AHDC1: variants seen among roughly 807,000 people sequenced by gnomAD.
The protein encoded by AHDC1 is AT-hook DNA binding motif containing 1, also known as transcription factor Gibbin.
Under a neutral mutation model 87.9 loss-of-function variants are expected in AHDC1, and 7 were observed. The observed-to-expected ratio is 0.08, with a 90% CI of 0.05 to 0.15. The LOEUF (loss-of-function observed/expected upper bound fraction) is 0.15, where lower values mean the gene tolerates loss of function less well. Among genes scored for constraint, AHDC1 ranks in the 10% least tolerant of loss-of-function variants. The pLI, the probability that AHDC1 is intolerant of heterozygous loss-of-function variation, is 1.00. For synonymous variants in AHDC1, 1,051 were observed against 1,006.8 expected (o/e 1.04, Z -0.83); for missense variants, 1,841 against 2,253.2 (o/e 0.82, Z 3.70).
intron 8 of AHDC1, among the ~76,000 whole-genome samples, chr1:27,540,103 G>A (rs1404872809): frequency 6.6e-6 from 1 of 152,180 alleles, no homozygotes; most frequent in African/African-American, 2.4e-5. Context: ...ATGGAACCAG[G>A]CAATCCCCAG....
intron 3 of AHDC1, among the ~76,000 whole-genome samples, chr1:27,577,497 G>A (rs925250341): frequency 6.6e-6 from 1 of 152,118 alleles, no homozygotes; most frequent in Non-Finnish European, 1.5e-5. Flanking sequence ...CCTAGCCTCA[G>A]AGCCATGGGG....
rs753415143 is a variant in AHDC1, at chr1:27,551,649, G to T, written c.467C>A (p.Pro156His). The stretch of plus-strand genomic sequence containing the variant: ...CTGTAGGTCGCCGGGTGGCGGTGCA[G>T]GCGGGCGGCTCAGTCGGAGCCCACC... ...DCGGLRLSRP[P>H]APPPGDLQYS... is the part of the protein sequence containing the mutation. The change falls in exon 8 of 9, where the codon CCT (proline) becomes CAT (histidine). Residue 156 changes from proline to histidine, a missense_variant. Pro to His is a moderately conservative substitution (Grantham distance 77). This residue lies in a region of AHDC1 where 50 missense variants were observed against 104.3 expected (regional missense o/e 0.48). Transcript: ENST00000673934. The T allele has an allele frequency of 6.2e-7, 1 of 1,613,184 alleles. No homozygotes were observed. The highest frequency in any genetic ancestry group is 8.5e-7 in the Non-Finnish European group (1 of 1,179,430).
At chr1:27,603,143 A>ACCCCCCCCCCCCCCC (rs1156376060) in intron 3 of AHDC1, among the ~76,000 whole-genome samples, 1 of 110,424 alleles carries the variant, frequency 9.1e-6, no homozygotes, top group Non-Finnish European at 2.0e-5. Flanking sequence ...AAACCCGAGA[A>ACCCCCCCCCCCCCCC]CCCCCCCTCC....
intron 3 of AHDC1, among the ~76,000 whole-genome samples, chr1:27,601,308 C>T (rs2148506449): frequency 6.6e-6 from 1 of 152,382 alleles, no homozygotes; most frequent in Non-Finnish European, 1.5e-5. Context: ...AGGGCTTGGG[C>T]ACAGTTAGGC....
intron 3 of AHDC1, among the ~76,000 whole-genome samples, chr1:27,591,205 C>A (rs1451350207): frequency 1.3e-5 from 2 of 152,188 alleles, no homozygotes; most frequent in Non-Finnish European, 2.9e-5. Flanking sequence ...AGTCTGCCAA[C>A]AGACCCCTGC....
At position 27,550,741 on chromosome 1, in the gene AHDC1, G is replaced by C. The variant is rs146038392; in HGVS notation, c.1375C>G (p.Pro459Ala). ...PELKPESSQT[P>A]VVSTRKGKCR... ...TTGCCTTTGCGGGTAGAGACCACTG[G>C]GGTCTGGGAAGATTCCGGCTTCAAC... Residue 459 changes from proline to alanine, a missense_variant, in exon 8 of 9, where the codon CCA (proline) becomes GCA (alanine). By Grantham distance (27) the Pro-to-Ala change is conservative. Transcript: ENST00000673934. 4 of 1,586,468 alleles carry C rather than the reference G, an allele frequency of 2.5e-6. No homozygotes were observed. The highest frequency in any genetic ancestry group is 3.4e-6 in the Non-Finnish European group (4 of 1,167,108).
chr1:27,599,416 G>GA (rs1213802176), intron 3 of AHDC1, among the ~76,000 whole-genome samples: 1 of 152,046 alleles, frequency 6.6e-6, no homozygotes, highest in Non-Finnish European at 1.5e-5. Context: ...CCCTGGGGGG[G>GA]CTCTGGCCAC....
intron 8 of AHDC1, among the ~76,000 whole-genome samples, chr1:27,542,408 G>A (rs1349764419): frequency 6.6e-6 from 1 of 152,224 alleles, no homozygotes; most frequent in Non-Finnish European, 1.5e-5. Flanking sequence ...AGGCGAGGGA[G>A]GGCCGGCTCT....
intron 8 of AHDC1, among the ~76,000 whole-genome samples, chr1:27,536,816 C>T (rs1323696835): frequency 3.3e-5 from 5 of 152,100 alleles, no homozygotes; most frequent in African/African-American, 9.7e-5. Flanking sequence ...CCTCCAAGGG[C>T]CCCGGGGCAG....
rs186397654 is a variant in AHDC1 at position 27,538,674 on chromosome 1, C to T, written c.*44-3758G>A. Among the ~76,000 whole-genome samples the T allele has an allele frequency of 6.6e-5, 10 of 152,116 alleles. No homozygotes were observed. The South Asian group carries it at 2.1e-3, about 32-fold the overall frequency. ...GTACTACAGGCGCACATCACCACAC[C>T]TGGCTAATTATTTTATTTTTTGAAA... is the stretch of plus-strand genomic sequence containing the variant. On this transcript the variant is annotated intron_variant, in intron 8 of 8. Transcript: ENST00000673934.
At position 27,575,359 on chromosome 1, in the gene AHDC1, A is replaced by C. The variant is rs566201000; in HGVS notation, c.-628-16476T>G. On this transcript the variant is annotated intron_variant, in intron 3 of 8. Transcript: ENST00000673934. The stretch of plus-strand genomic sequence containing the variant: ...GCACCTGGCCCTTCTCCGCCGCGCA[A>C]GCCGGGAGGGGCGGGACTGGACCCC... Among the ~76,000 whole-genome samples, 6 of 152,066 alleles carry C rather than the reference A, an allele frequency of 3.9e-5. No homozygotes were observed. The South Asian group carries it at 1.2e-3, about 31-fold the overall frequency.
chr1:27,555,792 G>A (rs2019791009), intron 5 of AHDC1, among the ~76,000 whole-genome samples: 4 of 152,024 alleles, frequency 2.6e-5, no homozygotes, highest in Non-Finnish European at 4.4e-5. Flanking sequence ...GCCTGAGGGT[G>A]TGATCTTGGC....
At chr1:27,591,119 C>T (rs2089209062) in intron 3 of AHDC1, among the ~76,000 whole-genome samples, 1 of 152,224 alleles carries the variant, frequency 6.6e-6, no homozygotes, top group South Asian at 2.1e-4. Context: ...GAGTTTCCAC[C>T]CCAATGGGTT....
chr1:27,586,670 C>T (rs1490938681), intron 3 of AHDC1, among the ~76,000 whole-genome samples: 1 of 152,142 alleles, frequency 6.6e-6, no homozygotes, highest in Admixed American at 6.5e-5. Context: ...CACCACAACT[C>T]CCGGCAACCC....
chr1:27,592,010 C>T (rs1353347547), intron 3 of AHDC1, among the ~76,000 whole-genome samples: 1 of 152,196 alleles, frequency 6.6e-6, no homozygotes, highest in East Asian at 1.9e-4. Flanking sequence ...CATCCTTGAG[C>T]CAGGTCAGGA....
chr1:27,575,457 CGA>C (rs1427704139), intron 3 of AHDC1, among the ~76,000 whole-genome samples: 2 of 151,848 alleles, frequency 1.3e-5, no homozygotes, highest in East Asian at 3.9e-4. Context: ...GGCCGGGCGG[CGA>C]GGTCTCCCCC....
At position 27,596,384 on chromosome 1, in the gene AHDC1, A is replaced by C. The variant is rs948311094; in HGVS notation, c.-629+7013T>G. 2.6e-5 allele frequency among the ~76,000 whole-genome samples: 4 copies of C among 152,098 alleles called. No homozygotes were observed. In the South Asian group the frequency reaches 8.3e-4, roughly 31 times the overall value. On this transcript the variant is annotated intron_variant, in intron 3 of 8. Coordinates refer to ENST00000673934, the MANE Select transcript of AHDC1 (RefSeq NM_001371928.1). ...GCTGGGGGTGGGGGAACTGCACAGC[A>C]AACAGTCCTCACGGAGGCTCCTTTA...
At chr1:27,596,907 A>G (rs1557711245) in intron 3 of AHDC1, among the ~76,000 whole-genome samples, 1 of 152,038 alleles carries the variant, frequency 6.6e-6, no homozygotes, top group Non-Finnish European at 1.5e-5. Context: ...CCCGTACCCT[A>G]TCTCACATAC....
At chr1:27,574,949 A>T (rs941173469) in intron 3 of AHDC1, among the ~76,000 whole-genome samples, 1 of 152,226 alleles carries the variant, frequency 6.6e-6, no homozygotes, top group East Asian at 1.9e-4. Flanking sequence ...AAATGCTCTC[A>T]AAGAAAGCTA....
Sources: gnomAD v4.1 joint callset for allele counts (sites outside exome capture counted in the v4.1 genomes callset) on GRCh38, gnomAD v4.1.1 for gene constraint, gnomAD v4.1.1 regional missense constraint, MANE v1.5 for transcripts, NCBI Gene and HGNC (gene_info 2026-07-23, HGNC 2026-07-21) for gene names.